The following DLGAP2 variants were observed in gnomAD, a reference collection of about 807,000 sequenced individuals.
DLGAP2 encodes the protein DLG associated protein 2.
A neutral mutation model predicts 100.3 loss-of-function variants in DLGAP2; 26 were observed. That is an observed-to-expected ratio of 0.26 (90% confidence interval 0.19 to 0.36). The LOEUF (loss-of-function observed/expected upper bound fraction) is 0.36. Among genes scored for constraint, DLGAP2 ranks in the 10% least tolerant of loss-of-function variants. DLGAP2 has a pLI of 1.00. For synonymous variants in DLGAP2, 886 were observed against 630.1 expected (o/e 1.41, Z -6.08); for missense variants, 1,858 against 1,453.2 (o/e 1.28, Z -4.53).
chr8:1,098,541 G>A (rs1431234683), intron 2 of DLGAP2, among the ~76,000 whole-genome samples: 1 of 151,732 alleles, frequency 6.6e-6, no homozygotes, highest in Non-Finnish European at 1.5e-5. Flanking sequence ...GACAGGCACA[G>A]CGGGCTGGCC....
At chr8:1,076,901 C>T (rs1803632743) in intron 2 of DLGAP2, among the ~76,000 whole-genome samples, 4 of 140,020 alleles carry the variant, frequency 2.9e-5, no homozygotes, top group South Asian at 2.5e-4. Context: ...GAGTCTGTCC[C>T]GGCCCCCCCC....
intron 1 of DLGAP2, 93 bp downstream of exon 1, chr8:737,918 C>T: frequency 2.8e-6 from 1 of 360,706 alleles, no homozygotes; most frequent in Non-Finnish European, 5.0e-6. Flanking sequence ...CGCGGGGACG[C>T]CCCGAGGGCG....
intron 2 of DLGAP2, among the ~76,000 whole-genome samples, chr8:1,199,970 C>T (rs946839542): frequency 6.6e-6 from 1 of 152,026 alleles, no homozygotes; most frequent in African/African-American, 2.4e-5. Flanking sequence ...GGCCGGGTCT[C>T]AGCAGGGGTC....
At chr8:1,254,286 G>A (rs989235830) in intron 2 of DLGAP2, among the ~76,000 whole-genome samples, 1 of 152,200 alleles carries the variant, frequency 6.6e-6, no homozygotes, top group Non-Finnish European at 1.5e-5. Flanking sequence ...ACTCCGCTCT[G>A]TCCCCATCAT....
At chr8:1,178,151 G>A (rs940178422) in intron 2 of DLGAP2, among the ~76,000 whole-genome samples, 1 of 152,214 alleles carries the variant, frequency 6.6e-6, no homozygotes, top group Non-Finnish European at 1.5e-5. Flanking sequence ...GACCCCCGGA[G>A]GACTGCCTGA....
chr8:773,102 C>G (rs1042311051), intron 1 of DLGAP2, among the ~76,000 whole-genome samples: 1 of 152,194 alleles, frequency 6.6e-6, no homozygotes, highest in Non-Finnish European at 1.5e-5. Context: ...GCCCTGGAGC[C>G]TGGGAGGCCT....
intron 2 of DLGAP2, among the ~76,000 whole-genome samples, chr8:1,243,151 G>C (rs1798834426): frequency 6.6e-6 from 1 of 152,178 alleles, no homozygotes; most frequent in African/African-American, 2.4e-5. Flanking sequence ...GCATGGGAAA[G>C]GCAGGGCGTG....
At chr8:1,315,565 G>C (rs1800719426) in intron 3 of DLGAP2, among the ~76,000 whole-genome samples, 1 of 146,970 alleles carries the variant, frequency 6.8e-6, no homozygotes, top group East Asian at 2.1e-4. Flanking sequence ...TTTAAAAATA[G>C]AGCCTGTACG....
chr8:879,929 A>C (rs1797755731), intron 1 of DLGAP2, among the ~76,000 whole-genome samples: 1 of 152,122 alleles, frequency 6.6e-6, no homozygotes, highest in African/African-American at 2.4e-5. Context: ...CCCTAATGGA[A>C]TTTTATATCT....
intron 2 of DLGAP2, among the ~76,000 whole-genome samples, chr8:1,228,331 C>A (rs1585170171): frequency 6.6e-6 from 1 of 152,092 alleles, no homozygotes; most frequent in Non-Finnish European, 1.5e-5. Flanking sequence ...CTAACTATGC[C>A]AAAGGAAATC....
chr8:1,146,659 GTGTGTGTGCA>G (rs901985299), intron 2 of DLGAP2, among the ~76,000 whole-genome samples: 4 of 152,158 alleles, frequency 2.6e-5, no homozygotes, highest in African/African-American at 9.7e-5. Flanking sequence ...GTGCATGCAC[GTGTGTGTGCA>G]TGTGTGTGCA....
chr8:1,634,684 A>T (rs1041691074), intron 8 of DLGAP2, among the ~76,000 whole-genome samples: 1 of 152,220 alleles, frequency 6.6e-6, no homozygotes, highest in Non-Finnish European at 1.5e-5. Flanking sequence ...GTCTCTTAGG[A>T]GCAAGTAAAC....
chr8:1,131,327 A>C (rs1307268781), intron 2 of DLGAP2, among the ~76,000 whole-genome samples: 1 of 152,054 alleles, frequency 6.6e-6, no homozygotes, highest in Non-Finnish European at 1.5e-5. Context: ...CAGCACCTTC[A>C]TGTATCTGTT....
At position 1,520,243 on chromosome 8, in the gene DLGAP2, G is replaced by A. The variant is rs372116917; in HGVS notation, c.172+18812G>A. ...AACAGCTGCAGGCCCCCACCCCGGA[G>A]CTCATGGTTCACAGAGGGAAGAAGA... On this transcript the variant is annotated intron_variant, in intron 4 of 14. Transcript: ENST00000637795. Among the ~76,000 whole-genome samples, 5 of 152,318 alleles carry A rather than the reference G, an allele frequency of 3.3e-5. No individual in the cohort carries two copies. In the East Asian group the frequency reaches 5.8e-4, roughly 18 times the overall value.
intron 1 of DLGAP2, among the ~76,000 whole-genome samples, chr8:767,361 T>TC (rs1821241476): frequency 6.7e-6 from 1 of 150,336 alleles, no homozygotes; most frequent in Non-Finnish European, 1.5e-5. Context: ...TTTTTTTTTT[T>TC]TTTTTTTGAG....
chr8:1,614,705 A>C (rs949340921), intron 6 of DLGAP2, among the ~76,000 whole-genome samples: 1 of 152,248 alleles, frequency 6.6e-6, no homozygotes, highest in African/African-American at 2.4e-5. Context: ...AGCCAAGGAC[A>C]GTTGCTCACC....
chr8:1,201,028 C>G (rs751458679), intron 2 of DLGAP2, among the ~76,000 whole-genome samples: 14 of 152,238 alleles, frequency 9.2e-5, no homozygotes, highest in Admixed American at 2.0e-4. Context: ...GGGACCCACA[C>G]CTAGAGGTGA....
At chr8:1,636,748 G>A (rs778823246) in intron 8 of DLGAP2, among the ~76,000 whole-genome samples, 120 of 152,298 alleles carry the variant, frequency 7.9e-4, no homozygotes, top group Non-Finnish European at 1.4e-3. Flanking sequence ...ACCTGGTACC[G>A]TCGAGTTACT....
intron 3 of DLGAP2, among the ~76,000 whole-genome samples, chr8:1,306,943 G>C (rs1206233310): frequency 6.6e-6 from 1 of 151,824 alleles, no homozygotes; most frequent in Non-Finnish European, 1.5e-5. Context: ...AAGACTCTCA[G>C]AAGAAAACAG....
Sources: allele counts gnomAD v4.1 joint callset (sites outside exome capture counted in the v4.1 genomes callset), GRCh38; gene constraint gnomAD v4.1.1; transcripts MANE v1.5; gene names NCBI Gene and HGNC (gene_info 2026-07-23, HGNC 2026-07-21).